The following ZNF454 variants were observed in gnomAD, a reference collection of about 807,000 sequenced individuals.
The protein encoded by ZNF454 is zinc finger protein 454.
ZNF454 carries 30 observed loss-of-function variants against 48.2 expected under a neutral mutation model. The ratio of observed to expected loss-of-function variants is 0.62; its 90% CI spans 0.47 to 0.84. The LOEUF is 0.84. ZNF454 is among the 40% of genes least tolerant of loss of function. The pLI is 0.00. For synonymous variants in ZNF454, 204 were observed against 211.4 expected (o/e 0.97, Z 0.30); for missense variants, 510 against 623.1 (o/e 0.82, Z 1.93).
At chr5:178,951,740 A>G (rs774960929) in intron 4 of ZNF454, among the ~76,000 whole-genome samples, 8 of 152,206 alleles carry the variant, frequency 5.3e-5, no homozygotes, top group Admixed American at 2.0e-4. Flanking sequence ...ATATTCTTGT[A>G]TATGTTTCCT....
intron 4 of ZNF454, among the ~76,000 whole-genome samples, chr5:178,947,868 C>T (rs1216341171): frequency 6.6e-6 from 1 of 152,036 alleles, no homozygotes; most frequent in Non-Finnish European, 1.5e-5. Flanking sequence ...TAACTGTGTA[C>T]CTGGAATATC....
chr5:178,974,915 C>T, the ZNF454 span, among the ~76,000 whole-genome samples: 1 of 152,158 alleles, frequency 6.6e-6, no homozygotes, highest in East Asian at 1.9e-4. Context: ...AGCTGGACCA[C>T]CACGGATCTC....
chr5:178,973,395 TTCTC>T, the ZNF454 span, among the ~76,000 whole-genome samples: 27 of 152,342 alleles, frequency 1.8e-4, no homozygotes, highest in African/African-American at 6.3e-4. Flanking sequence ...TTTTCTTTCT[TTCTC>T]AATTAATTTT....
rs1329575269 is a variant in ZNF454, at chr5:178,941,561, C to T, written c.-108+117C>T. 1 of 450,412 alleles carries T rather than the reference C, an allele frequency of 2.2e-6. No individual in the cohort carries two copies. Among genetic ancestry groups the T allele is most frequent in the Non-Finnish European group, 4.5e-6 (1 of 223,386 alleles). 27.9% of individuals were successfully genotyped at this position (450,412 alleles called of 1,614,324 possible). Reference sequence around the variant, plus strand: ...TGGAGCCAGGGCCTCTGGCATGTGTCTTGGAGCGGACTCCGAGAAGCCCAG... The same window carrying T: ...TGGAGCCAGGGCCTCTGGCATGTGTTTTGGAGCGGACTCCGAGAAGCCCAG... On this transcript the variant is annotated intron_variant, in intron 1 of 4. Coordinates refer to ENST00000519564, the MANE Select transcript of ZNF454 (RefSeq NM_001178089.3). This position sits in a 1 kb window ranked among gnomAD's most constrained non-coding sequence, Gnocchi z 5.5.
chr5:178,978,798 C>T, the ZNF454 span: 2 of 152,122 alleles, frequency 1.3e-5, no homozygotes, highest in African/African-American at 4.8e-5. Context: ...TAAGAGAAAC[C>T]ACACTGGAAG....
At chr5:178,972,247 C>T in the ZNF454 span, among the ~76,000 whole-genome samples, 1 of 152,072 alleles carries the variant, frequency 6.6e-6, no homozygotes. Flanking sequence ...ATATAATATA[C>T]AGAAAAATTT....
the ZNF454 span, among the ~76,000 whole-genome samples, chr5:178,972,153 C>T: frequency 1.3e-5 from 2 of 152,062 alleles, no homozygotes; most frequent in African/African-American, 2.4e-5. Context: ...AGGCTGGTCT[C>T]GAACTCCTGA....
intron 4 of ZNF454, among the ~76,000 whole-genome samples, chr5:178,960,747 A>G (rs937858296): frequency 6.6e-6 from 1 of 151,850 alleles, no homozygotes; most frequent in Non-Finnish European, 1.5e-5. Context: ...TTTTGTCTAT[A>G]TAAAATACCT....
At chr5:178,976,172 C>G in the ZNF454 span, 3 of 453,110 alleles carry the variant, frequency 6.6e-6, no homozygotes, top group Non-Finnish European at 8.9e-6. Flanking sequence ...TCAGATGAAG[C>G]CTGTACTGGA....
chr5:178,945,063 G>C lies in ZNF454; in HGVS notation c.34-1296G>C, dbSNP rs367586415. The stretch of plus-strand genomic sequence containing the variant: ...GTGTGTTGAGGGTGTGTGTCACAGG[G>C]TGTGTGTGGGGGTATTTGTGGGGGG... On this transcript the variant is annotated intron_variant, in intron 2 of 4. Coordinates refer to ENST00000519564, the MANE Select transcript of ZNF454 (RefSeq NM_001178089.3). Among the ~76,000 whole-genome samples, 3 of 142,672 alleles carry C rather than the reference G, an allele frequency of 2.1e-5. No individual in the cohort carries two copies. In the East Asian group the frequency reaches 6.1e-4, roughly 29 times the overall value. 93.6% of individuals were successfully genotyped at this position (142,672 alleles called of 152,430 possible). A position where few individuals can be genotyped will look rare whatever the true frequency, so the allele number is the denominator to read the frequency against.
the ZNF454 span, chr5:178,983,413 A>G: frequency 2.8e-6 from 2 of 706,052 alleles, no homozygotes; most frequent in Non-Finnish European, 2.6e-6. Flanking sequence ...GGGGCAGCCC[A>G]AGAGGGGTCC....
intron 4 of ZNF454, among the ~76,000 whole-genome samples, chr5:178,948,897 T>C (rs948199169): frequency 1.3e-4 from 15 of 119,538 alleles, no homozygotes; most frequent in African/African-American, 4.5e-4. Flanking sequence ...ATAAATTATA[T>C]GTACACAGAT....
chr5:178,986,071 T>C, the ZNF454 span: 15 of 1,516,518 alleles, frequency 9.9e-6, no homozygotes, highest in Admixed American at 1.2e-4. Context: ...CCTTTTGGCT[T>C]TGTAACGTTG....
Position 178,941,484 on chromosome 5 carries a change from G to T in ZNF454, c.-108+40G>T, listed in dbSNP as rs1352328714. 2.2e-6 allele frequency: 1 copy of T among 456,784 alleles called. No individual in the cohort carries two copies. Among genetic ancestry groups the T allele is most frequent in the Non-Finnish European group, 4.4e-6 (1 of 226,978 alleles). 28.3% of individuals were successfully genotyped at this position (456,784 alleles called of 1,614,324 possible). On this transcript the variant is annotated intron_variant, in intron 1 of 4. Coordinates refer to ENST00000519564, the MANE Select transcript of ZNF454 (RefSeq NM_001178089.3). The surrounding 1 kb of genome is among the most constrained non-coding windows in gnomAD (Gnocchi z 5.5). ...TGATCCCAGAGAGGGAGGACGGCCAGGGGTGGTCATCCTGGGCTGAGGGTC... is the reference window on the plus strand; with the variant it reads ...TGATCCCAGAGAGGGAGGACGGCCATGGGTGGTCATCCTGGGCTGAGGGTC...
chr5:178,967,550 C>A (rs1451127718), downstream of ZNF454, among the ~76,000 whole-genome samples: 1 of 152,120 alleles, frequency 6.6e-6, no homozygotes, highest in Non-Finnish European at 1.5e-5. Flanking sequence ...TCCATCTGGG[C>A]CTTCCACTAT....
the ZNF454 span, among the ~76,000 whole-genome samples, chr5:178,984,217 GC>G: frequency 1.3e-5 from 2 of 152,266 alleles, no homozygotes; most frequent in African/African-American, 4.8e-5. Context: ...AAAAATGCAA[GC>G]CCAGGGCTGC....
intron 4 of ZNF454, among the ~76,000 whole-genome samples, chr5:178,955,229 C>T (rs1277931815): frequency 1.3e-5 from 2 of 152,166 alleles, no homozygotes; most frequent in African/African-American, 4.8e-5. Flanking sequence ...GTTAGGACCT[C>T]CTGCACAAAG....
chr5:178,978,787 A>C, the ZNF454 span: 1 of 152,254 alleles, frequency 6.6e-6, no homozygotes, highest in African/African-American at 2.4e-5. Flanking sequence ...CTCACTCGAC[A>C]TAAGAGAAAC....
rs560854902 is a variant in ZNF454, at chr5:178,946,145, C to A, written c.34-214C>A. 3.3e-5 allele frequency among the ~76,000 whole-genome samples: 5 copies of A among 152,192 alleles called. No individual in the cohort carries two copies. The highest frequency in any genetic ancestry group is 2.0e-4 in the Admixed American group (3 of 15,300). Reference sequence around the variant, plus strand: ...TGCTGAGAAAGCCTATCTTCGCCACCATATATGTTTCTTCAGCGTGGAGAG... The same window carrying A: ...TGCTGAGAAAGCCTATCTTCGCCACAATATATGTTTCTTCAGCGTGGAGAG... On this transcript the variant is annotated intron_variant, in intron 2 of 4. Transcript: ENST00000519564. This position sits in a 1 kb window ranked among gnomAD's most constrained non-coding sequence, Gnocchi z 4.5.
Sources: gnomAD v4.1 joint callset for allele counts (sites outside exome capture counted in the v4.1 genomes callset) on GRCh38, gnomAD v4.1.1 for gene constraint, Gnocchi (gnomAD v3.1) non-coding constraint, MANE v1.5 for transcripts, NCBI Gene and HGNC (gene_info 2026-07-23, HGNC 2026-07-21) for gene names.